The following NMB variants were observed in gnomAD, a reference collection of about 807,000 sequenced individuals.
The protein encoded by NMB is neuromedin B.
Under a neutral mutation model 11.7 loss-of-function variants are expected in NMB, and 12 were observed. That is an observed-to-expected ratio of 1.03 (90% CI 0.66 to 1.66). The LOEUF (loss-of-function observed/expected upper bound fraction) is 1.66. NMB is among the 40% of genes most tolerant of loss of function. The pLI, the probability that NMB is intolerant of heterozygous loss-of-function variation, is 0.00. For synonymous variants in NMB, 76 were observed against 72.6 expected, an observed-to-expected ratio of 1.05 and a Z score of -0.24; for missense variants, 174 against 157.9, an observed-to-expected ratio of 1.10 and a Z score of -0.55.
rs773005151 is a variant in NMB at position 84,655,417 on chromosome 15, G to C, written c.331-8C>G. ...TACCAGCAGCCTCCTGTACTGAAGA[G>C]AAACATACAGAAGAATTGAGCCAGG... On this transcript the variant is annotated splice_region_variant and splice_polypyrimidine_tract_variant and intron_variant, in intron 2 of 2. Transcript: ENST00000360476. 2 of 1,613,666 alleles carry C rather than the reference G, an allele frequency of 1.2e-6. No individual in the cohort carries two copies. The highest frequency in any genetic ancestry group is 1.7e-6 in the Non-Finnish European group (2 of 1,179,962).
At chr15:84,657,694 G>A (rs1896802717) in intron 1 of NMB, among the ~76,000 whole-genome samples, 1 of 152,146 alleles carries the variant, frequency 6.6e-6, no homozygotes, top group East Asian at 1.9e-4. Flanking sequence ...GAAAGTGGAG[G>A]TGCAGCAAAA....
At chr15:84,656,673 A>C (rs1896786580) in intron 2 of NMB, among the ~76,000 whole-genome samples, 1 of 151,906 alleles carries the variant, frequency 6.6e-6, no homozygotes, top group Admixed American at 6.6e-5. Flanking sequence ...AGATGAGAGA[A>C]TGGGAAGAGC....
intron 1 of NMB, 25 bp from the exon 2 acceptor site, chr15:84,657,373 A>G: frequency 6.9e-7 from 1 of 1,459,478 alleles, no homozygotes; most frequent in Admixed American, 3.0e-5. Context: ...TCCAGGCACA[A>G]GGAAGTCAAG....
At position 84,658,085 on chromosome 15, in the gene NMB, C is replaced by G; in HGVS notation, c.68G>C (p.Gly23Ala). Residue 23 changes from glycine to alanine, a missense_variant, in exon 1 of 3, where the codon GGC becomes GCC. Gly to Ala is a moderately conservative substitution (Grantham distance 60, BLOSUM62 0). Coordinates refer to ENST00000360476, the MANE Select transcript of NMB (RefSeq NM_021077.4). ...SLLLFALLAA[G>A]VAPLSWDLPE... is the part of the protein sequence containing the mutation. Reference sequence around the variant, plus strand: ...GAGATCCCAGCTGAGCGGGGCGACGCCGGCAGCGAGCAGGGCGAAGAGCAG... The same window carrying G: ...GAGATCCCAGCTGAGCGGGGCGACGGCGGCAGCGAGCAGGGCGAAGAGCAG... 6.3e-7 allele frequency: 1 copy of G among 1,580,838 alleles called. No individual in the cohort carries two copies. Among genetic ancestry groups the G allele is most frequent in the Non-Finnish European group, 8.6e-7 (1 of 1,168,496 alleles).
Position 84,655,257 on chromosome 15 carries a change from CAG to C in NMB, c.*115_*116del, listed in dbSNP as rs1399820536. 4 of 1,590,080 alleles carry C rather than the reference CAG, an allele frequency of 2.5e-6. No individual in the cohort carries two copies. The highest frequency in any genetic ancestry group is 2.7e-5 in the African/African-American group (2 of 74,200). On this transcript the variant is annotated 3_prime_UTR_variant, in exon 3 of 3. Transcript: ENST00000360476. ...GCCAGAAATCACAGTAATGGAGTAA[CAG>C]AGATTTGAGCTCAGGATTTACATCC...
Position 84,655,189 on chromosome 15 carries a change from G to A in NMB, c.*185C>T, listed in dbSNP as rs1048220271. 4.9e-6 allele frequency: 7 copies of A among 1,439,338 alleles called. No homozygotes were observed. In the South Asian group the frequency reaches 5.4e-5, roughly 11 times the overall value. 89.2% of individuals were successfully genotyped at this position (1,439,338 alleles called of 1,614,324 possible). On this transcript the variant is annotated 3_prime_UTR_variant, in exon 3 of 3. Transcript: ENST00000360476. ...AACAGGGAAGCAGGAAATACAGCAG[G>A]AACATAATCTGTGTCTGCATCAGCG...
At chr15:84,657,956 GGA>G in intron 1 of NMB, 38 bp downstream of exon 1, 1 of 1,569,162 alleles carries the variant, frequency 6.4e-7, no homozygotes. Context: ...GGTCTGAACT[GGA>G]TGAGGGGCGC....
chr15:84,655,560 G>T, intron 2 of NMB, 151 bp from the exon 3 acceptor site: 1 of 944,322 alleles, frequency 1.1e-6, no homozygotes, highest in Non-Finnish European at 1.6e-6. Flanking sequence ...GAATTGCCTT[G>T]GAGGGGTCGG....
chr15:84,657,378 G>C, intron 1 of NMB, 30 bp from the exon 2 acceptor site: 2 of 1,452,892 alleles, frequency 1.4e-6, no homozygotes, highest in Non-Finnish European at 1.8e-6. Context: ...GCACAAGGAA[G>C]TCAAGCAGCC....
rs375215046 is a variant in NMB at position 84,657,249 on chromosome 15, T to C, written c.257A>G (p.His86Arg). ...TAGCAGGAGGATTCCGAGCAGATCA[T>C]GACTCAGCTGCAGTCGCTGGTCCCT... The part of the protein sequence containing the change: ...SLRDQRLQLS[H>R]DLLGILLLKK... The change falls in exon 2 of 3, where the codon CAT becomes CGT. Residue 86 changes from histidine to arginine, a missense_variant. Physicochemically the swap from His to Arg is conservative, Grantham distance 29. Coordinates refer to ENST00000360476, the MANE Select transcript of NMB (RefSeq NM_021077.4). 2.5e-6 allele frequency: 4 copies of C among 1,610,428 alleles called. No homozygotes were observed. In the African/African-American group the frequency reaches 4.0e-5, roughly 16 times the overall value.
At chr15:84,655,496 C>A (rs1322698751) in intron 2 of NMB, 87 bp from the exon 3 acceptor site, 1 of 1,559,692 alleles carries the variant, frequency 6.4e-7, no homozygotes, top group Non-Finnish European at 8.8e-7. Flanking sequence ...TGCCAGATGT[C>A]TGCAGAGGTG....
rs1297279401 is a variant in NMB at position 84,658,025 on chromosome 15, A to G, written c.128T>C (p.Val43Ala). Residue 43 changes from valine to alanine, a missense_variant, in exon 1 of 3, where the codon GTG becomes GCG. By Grantham distance (64) the Val-to-Ala change is moderately conservative (BLOSUM62 0). Coordinates refer to ENST00000360476, the MANE Select transcript of NMB (RefSeq NM_021077.4). The part of the protein sequence containing the change: ...EPRSRASKIR[V>A]HSRGNLWATG... ...GGCCCAGAGGTTGCCTCGCGAGTGC[A>G]CTCGGATCTTGCTGGCTCGGCTGCG... 2 of 1,597,346 alleles carry G rather than the reference A, an allele frequency of 1.3e-6. No homozygotes were observed. Among genetic ancestry groups the G allele is most frequent in the Admixed American group, 1.7e-5 (1 of 58,808 alleles).
intron 2 of NMB, among the ~76,000 whole-genome samples, chr15:84,656,909 G>A (rs1038604309): frequency 2.0e-5 from 3 of 152,208 alleles, no homozygotes; most frequent in African/African-American, 4.8e-5. Context: ...TTTAGACTGG[G>A]TGATGAGTCA....
Position 84,657,208 on chromosome 15 carries a change from C to G in NMB, c.298G>C (p.Val100Leu). The change falls in exon 2 of 3, where the codon GTG (valine) becomes CTG (leucine). Residue 100 changes from valine to leucine, a missense_variant. Val to Leu is a conservative substitution (Grantham distance 32, BLOSUM62 1). Transcript: ENST00000360476. ...GILLLKKALG[V>L]SLSRPAPQIQ... is the part of the protein sequence containing the mutation. Reference sequence around the variant, plus strand: ...TGGGGTGCGGGGCGGCTGAGGCTCACGCCCAGAGCCTTCTTTAGCAGGAGG... The same window carrying G: ...TGGGGTGCGGGGCGGCTGAGGCTCAGGCCCAGAGCCTTCTTTAGCAGGAGG... The G allele has an allele frequency of 1.9e-6, 3 of 1,612,364 alleles. No individual in the cohort carries two copies. Among genetic ancestry groups the G allele is most frequent in the Non-Finnish European group, 1.7e-6 (2 of 1,179,456 alleles).
chr15:84,657,989 G>C lies in NMB; in HGVS notation c.157+7C>G, dbSNP rs1255439157. The C allele has an allele frequency of 3.8e-6, 6 of 1,590,450 alleles. No individual in the cohort carries two copies. The highest frequency in any genetic ancestry group is 1.1e-5 in the South Asian group (1 of 89,612). The stretch of plus-strand genomic sequence containing the variant: ...GGCGCTTGCTTGCTCCGTCCCCAAA[G>C]ACTTACCGGTGGCCCAGAGGTTGCC... On this transcript the variant is annotated splice_region_variant and intron_variant, in intron 1 of 2. Transcript: ENST00000360476.
At chr15:84,656,713 T>C (rs924686472) in intron 2 of NMB, among the ~76,000 whole-genome samples, 3 of 151,958 alleles carry the variant, frequency 2.0e-5, no homozygotes, top group Non-Finnish European at 4.4e-5. Flanking sequence ...GTCCAGACTC[T>C]GTCTTGGCTG....
At position 84,657,168 on chromosome 15, in the gene NMB, C is replaced by G. The variant is rs778978692; in HGVS notation, c.330+8G>C. On this transcript the variant is annotated splice_region_variant and intron_variant, in intron 2 of 2. Coordinates refer to ENST00000360476, the MANE Select transcript of NMB (RefSeq NM_021077.4). The stretch of plus-strand genomic sequence containing the variant: ...CCCTCCTGACATTGGAGCAGGGGCC[C>G]GGCTCACCTGGATTTGGGGTGCGGG... 1.6e-5 allele frequency: 26 copies of G among 1,606,576 alleles called. No homozygotes were observed. The highest frequency in any genetic ancestry group is 2.2e-5 in the Non-Finnish European group (26 of 1,178,014).
rs755640770 is a variant in NMB, at chr15:84,658,037, C to A, written c.116G>T (p.Ser39Ile). 11 of 1,596,178 alleles carry A rather than the reference C, an allele frequency of 6.9e-6. No individual in the cohort carries two copies. The highest frequency in any genetic ancestry group is 1.7e-5 in the Admixed American group (1 of 58,758). ...WDLPEPRSRA[S>I]KIRVHSRGNL... ...GCCTCGCGAGTGCACTCGGATCTTG[C>A]TGGCTCGGCTGCGGGGCTCCGGGAG... Residue 39 changes from serine to isoleucine, a missense_variant, in exon 1 of 3, where the codon AGC (serine) becomes ATC (isoleucine). Physicochemically the swap from Ser to Ile is moderately radical, Grantham distance 142. Transcript: ENST00000360476.
intron 2 of NMB, among the ~76,000 whole-genome samples, chr15:84,655,884 T>C (rs909630722): frequency 6.6e-6 from 1 of 152,122 alleles, no homozygotes; most frequent in African/African-American, 2.4e-5. Context: ...GGGCTGCTGG[T>C]TCTGTGCCTC....
Sources: gnomAD v4.1 joint callset for allele counts (sites outside exome capture counted in the v4.1 genomes callset) on GRCh38, gnomAD v4.1.1 for gene constraint, MANE v1.5 for transcripts, NCBI Gene and HGNC (gene_info 2026-07-23, HGNC 2026-07-21) for gene names.